AKAP6: variants seen among roughly 807,000 people sequenced by gnomAD.
AKAP6 encodes the protein A-kinase anchor protein 6.
A neutral mutation model predicts 188.5 loss-of-function variants in AKAP6; 58 were observed. The ratio of observed to expected loss-of-function variants is 0.31; its 90% CI spans 0.25 to 0.38. The LOEUF is 0.38. Ranked by LOEUF, AKAP6 falls within the 10% of genes least tolerant of loss-of-function variation. The pLI, the probability that AKAP6 is intolerant of heterozygous loss-of-function variation, is 1.00. For missense variants in AKAP6, 2,710 were observed against 2,740.0 expected (o/e 0.99, Z 0.24); for synonymous variants, 989 against 998.6 (o/e 0.99, Z 0.18).
intron 2 of AKAP6, among the ~76,000 whole-genome samples, chr14:32,478,167 G>C (rs57157459): frequency 1.4e-3 from 206 of 152,292 alleles, no homozygotes; most frequent in African/African-American, 4.8e-3. Context: ...CTTGTATGGA[G>C]TTTTGGGTGC....
At chr14:32,376,666 TC>T (rs1164592929) in intron 1 of AKAP6, among the ~76,000 whole-genome samples, 2 of 152,202 alleles carry the variant, frequency 1.3e-5, no homozygotes, top group East Asian at 3.8e-4. Context: ...AACCAGGCTT[TC>T]ATCTGAGAAT....
chr14:32,748,828 A>G (rs2032014161), intron 11 of AKAP6, among the ~76,000 whole-genome samples: 1 of 152,170 alleles, frequency 6.6e-6, no homozygotes, highest in Admixed American at 6.5e-5. Context: ...GCAAGGCGGC[A>G]CACCATTTAC....
At chr14:32,410,538 C>T (rs1054605167) in intron 1 of AKAP6, among the ~76,000 whole-genome samples, 8 of 152,118 alleles carry the variant, frequency 5.3e-5, no homozygotes, top group South Asian at 2.1e-4. Flanking sequence ...TCAGGTCCTC[C>T]GGAGGGCTGT....
At chr14:32,655,190 A>G (rs984929556) in intron 7 of AKAP6, among the ~76,000 whole-genome samples, 1 of 152,200 alleles carries the variant, frequency 6.6e-6, no homozygotes, top group Non-Finnish European at 1.5e-5. Flanking sequence ...CACCACAGAA[A>G]TGAATTTTAT....
At chr14:32,639,646 A>G (rs1416992420) in intron 7 of AKAP6, among the ~76,000 whole-genome samples, 3 of 152,156 alleles carry the variant, frequency 2.0e-5, no homozygotes, top group African/African-American at 7.2e-5. Flanking sequence ...AAAAAATTGC[A>G]CCTGTGAAAA....
chr14:32,492,383 G>GAGAGAGAGAGA (rs1566537012), intron 2 of AKAP6, among the ~76,000 whole-genome samples: 17 of 141,522 alleles, frequency 1.2e-4, no homozygotes, highest in South Asian at 6.8e-4. Context: ...GAGAGAGAGA[G>GAGAGAGAGAGA]GCATTTGGAT....
intron 7 of AKAP6, among the ~76,000 whole-genome samples, chr14:32,642,039 T>G (rs944323569): frequency 1.3e-5 from 2 of 152,188 alleles, no homozygotes; most frequent in African/African-American, 4.8e-5. Flanking sequence ...TAGAAATGAT[T>G]AATATAGTCT....
intron 1 of AKAP6, among the ~76,000 whole-genome samples, chr14:32,363,936 A>G (rs1887743768): frequency 6.6e-6 from 1 of 152,250 alleles, no homozygotes; most frequent in Non-Finnish European, 1.5e-5. Context: ...GTGAGGGAGT[A>G]ACATTTGCCT....
chr14:32,803,652 T>C (rs1437573792), intron 12 of AKAP6, among the ~76,000 whole-genome samples: 2 of 152,190 alleles, frequency 1.3e-5, no homozygotes, highest in African/African-American at 4.8e-5. Flanking sequence ...TGTTTATCTT[T>C]CTCTACCCAG....
chr14:32,496,255 T>C (rs1236223807), intron 2 of AKAP6, among the ~76,000 whole-genome samples: 1 of 152,192 alleles, frequency 6.6e-6, no homozygotes, highest in African/African-American at 2.4e-5. Context: ...AATAGAGAGT[T>C]ACAACTAAAT....
intron 1 of AKAP6, among the ~76,000 whole-genome samples, chr14:32,350,366 A>G (rs1269544298): frequency 6.6e-6 from 1 of 152,208 alleles, no homozygotes; most frequent in Non-Finnish European, 1.5e-5. Flanking sequence ...TCAGAAAATT[A>G]TCAGATAAAC....
intron 7 of AKAP6, among the ~76,000 whole-genome samples, chr14:32,675,736 G>A (rs1258216883): frequency 6.6e-6 from 1 of 152,188 alleles, no homozygotes; most frequent in Non-Finnish European, 1.5e-5. Context: ...ACAAATGCTT[G>A]TGAGATATTA....
At chr14:32,799,064 G>A (rs983978992) in intron 12 of AKAP6, among the ~76,000 whole-genome samples, 9 of 152,158 alleles carry the variant, frequency 5.9e-5, no homozygotes, top group African/African-American at 2.2e-4. Context: ...ATAATACGTT[G>A]TGTGGCATAG....
At position 32,668,347 on chromosome 14, in the gene AKAP6, G is replaced by A. The variant is rs1204717091; in HGVS notation, c.2731-9964G>A. ...TTTGTTTGATATATTTGTTCTTCAT[G>A]TTTGTTAGGTGGAGGTGTTTTGTTG... is the stretch of plus-strand genomic sequence containing the variant. On this transcript the variant is annotated intron_variant, in intron 7 of 13. Transcript: ENST00000280979. Among the ~76,000 whole-genome samples the A allele has an allele frequency of 2.6e-5, 4 of 152,086 alleles. No homozygotes were observed. In the East Asian group the frequency reaches 7.7e-4, roughly 29 times the overall value.
chr14:32,561,643 C>T (rs903862164), intron 4 of AKAP6, among the ~76,000 whole-genome samples: 1 of 152,154 alleles, frequency 6.6e-6, no homozygotes, highest in Admixed American at 6.5e-5. Flanking sequence ...AGGAATGAGC[C>T]ATTCATGCTG....
At chr14:32,799,247 C>T (rs2033866213) in intron 12 of AKAP6, among the ~76,000 whole-genome samples, 1 of 152,148 alleles carries the variant, frequency 6.6e-6, no homozygotes. Flanking sequence ...CTAGATGTAT[C>T]CCTTTCAGTA....
intron 8 of AKAP6, among the ~76,000 whole-genome samples, chr14:32,678,869 T>A (rs1223948340): frequency 6.6e-6 from 1 of 152,234 alleles, no homozygotes; most frequent in Non-Finnish European, 1.5e-5. Context: ...AACATAATTT[T>A]CCTGAATAGT....
In AKAP6 at chr14:32,492,355, T is replaced by TATATATATAGAGAGAG; in HGVS notation, c.325-43198_325-43197insTATATATAGAGAGAGA. Among the ~76,000 whole-genome samples, 809 of 82,574 alleles carry TATATATATAGAGAGAG rather than the reference T, an allele frequency of 9.8e-3. 12 individuals are homozygous for TATATATATAGAGAGAG. Among genetic ancestry groups the TATATATATAGAGAGAG allele is most frequent in the East Asian group, 0.024 (37 of 1,528 alleles). 54.2% of individuals were successfully genotyped at this position (82,574 alleles called of 152,430 possible). Reference sequence around the variant, plus strand: ...ACATTGTAATATATATATATATATATAGAGAGAGAGAGAGAGAGAGAGAGA... The same window carrying TATATATATAGAGAGAG: ...ACATTGTAATATATATATATATATATATATATATAGAGAGAGAGAGAGAGAGAGAGAGAGAGAGAGA... On this transcript the variant is annotated intron_variant, in intron 2 of 13. Transcript: ENST00000280979.
chr14:32,675,433 AT>A (rs887134498), intron 7 of AKAP6, among the ~76,000 whole-genome samples: 2 of 152,198 alleles, frequency 1.3e-5, no homozygotes, highest in Admixed American at 1.3e-4. Flanking sequence ...GATGCTAATA[AT>A]TTTTTTTAAC....
Sources: allele counts gnomAD v4.1 joint callset (sites outside exome capture counted in the v4.1 genomes callset), GRCh38; gene constraint gnomAD v4.1.1; transcripts MANE v1.5; gene names NCBI Gene and HGNC (gene_info 2026-07-23, HGNC 2026-07-21).